FSHR: variants seen among roughly 807,000 people sequenced by gnomAD.
FSHR encodes follicle stimulating hormone receptor.
Under a neutral mutation model 52.1 loss-of-function variants are expected in FSHR, and 46 were observed. The observed-to-expected ratio is 0.88, with a 90% CI of 0.70 to 1.13. The LOEUF is 1.13. Ranked by LOEUF, FSHR falls within the 50% of genes most tolerant of loss-of-function variation. The pLI, the probability that FSHR is intolerant of heterozygous loss-of-function variation, is 0.00. For synonymous variants in FSHR, 399 were observed against 309.6 expected, an observed-to-expected ratio of 1.29 and a Z score of -3.03; for missense variants, 964 against 834.6, an observed-to-expected ratio of 1.16 and a Z score of -1.91.
At chr2:49,037,008 G>A (rs973449327) in intron 2 of FSHR, among the ~76,000 whole-genome samples, 2 of 152,188 alleles carry the variant, frequency 1.3e-5, no homozygotes, top group Non-Finnish European at 2.9e-5. Context: ...GCTGGGTCTT[G>A]GAGCTTCAAA....
intron 2 of FSHR, among the ~76,000 whole-genome samples, chr2:49,060,394 C>T (rs1669242377): frequency 6.6e-6 from 1 of 152,122 alleles, no homozygotes; most frequent in Admixed American, 6.5e-5. Flanking sequence ...ACCTTGACCA[C>T]TCAGAGAAGT....
chr2:49,019,393 A>G (rs1024167377), intron 3 of FSHR, among the ~76,000 whole-genome samples: 6 of 152,188 alleles, frequency 3.9e-5, no homozygotes, highest in Non-Finnish European at 7.4e-5. Context: ...TTGACATTCT[A>G]TGATTCTATG....
intron 2 of FSHR, among the ~76,000 whole-genome samples, chr2:49,043,510 T>G (rs1314541487): frequency 1.3e-5 from 2 of 152,202 alleles, no homozygotes; most frequent in African/African-American, 4.8e-5. Context: ...TTTGGAGACC[T>G]CACTTGACAA....
intron 2 of FSHR, among the ~76,000 whole-genome samples, chr2:49,054,300 C>A (rs1162624295): frequency 1.3e-5 from 2 of 152,134 alleles, no homozygotes; most frequent in African/African-American, 2.4e-5. Context: ...AAGAAATAGC[C>A]CACAGGTTGC....
intron 4 of FSHR, among the ~76,000 whole-genome samples, chr2:49,005,438 T>C (rs1327195633): frequency 6.6e-6 from 1 of 152,116 alleles, no homozygotes; most frequent in Admixed American, 6.6e-5. Context: ...CTTGTAGTCA[T>C]GGCAACATCC....
intron 8 of FSHR, among the ~76,000 whole-genome samples, chr2:48,980,955 T>C (rs1675220548): frequency 6.6e-6 from 1 of 152,222 alleles, no homozygotes; most frequent in Admixed American, 6.5e-5. Context: ...ACTGACATAT[T>C]CTGCCATGAA....
chr2:48,987,837 AACACACACACACACACAC>A (rs72108367), intron 6 of FSHR, among the ~76,000 whole-genome samples: 1 of 146,040 alleles, frequency 6.8e-6, no homozygotes, highest in Non-Finnish European at 1.5e-5. Flanking sequence ...ACCTCATCTC[AACACACACACACACACAC>A]ACACACACAC....
rs564921330 is a variant in FSHR, at chr2:49,017,785, C to A, written c.300-222G>T. On this transcript the variant is annotated intron_variant, in intron 3 of 9. Transcript: ENST00000406846. ...CAAACTAAATATTAACCCTGTCTCC[C>A]TGCTGTTTCATTCTCATTACCTGGG... is the stretch of plus-strand genomic sequence containing the variant. Among the ~76,000 whole-genome samples, 37 of 152,210 alleles carry A rather than the reference C, an allele frequency of 2.4e-4. No homozygotes were observed. The South Asian group carries it at 6.8e-3, about 28-fold the overall frequency.
chr2:49,133,865 T>C (rs777707683), intron 1 of FSHR, among the ~76,000 whole-genome samples: 1 of 152,168 alleles, frequency 6.6e-6, no homozygotes, highest in Non-Finnish European at 1.5e-5. Context: ...TGGCTAGCCA[T>C]ATGTAGAAAG....
chr2:49,077,438 C>A (rs1669989687), intron 1 of FSHR, among the ~76,000 whole-genome samples: 1 of 152,142 alleles, frequency 6.6e-6, no homozygotes, highest in African/African-American at 2.4e-5. Context: ...CCCTTGAAAC[C>A]ACTTTTTCCT....
At chr2:49,010,453 C>T (rs1008389716) in intron 4 of FSHR, among the ~76,000 whole-genome samples, 5 of 152,140 alleles carry the variant, frequency 3.3e-5, no homozygotes, top group African/African-American at 4.8e-5. Flanking sequence ...AAGATTTTTG[C>T]ATCAATGTTC....
At chr2:49,027,285 G>A (rs553829525) in intron 2 of FSHR, among the ~76,000 whole-genome samples, 4 of 152,262 alleles carry the variant, frequency 2.6e-5, no homozygotes, top group Admixed American at 2.0e-4. Context: ...TGGTGACTCC[G>A]GAGTGGTTTG....
chr2:48,963,651 G>C lies in FSHR; in HGVS notation c.1170C>G (p.Ser390Arg), dbSNP rs1365051861. Residue 390 changes from serine (S) to arginine (R), a missense_variant, in exon 10 of 10, where the codon AGC becomes AGG. Ser to Arg is a moderately radical substitution (Grantham distance 110, BLOSUM62 -1). Transcript: ENST00000406846. ...ACCTGGGGACTGTGAGTTTATATTG[G>C]CTGGTAGTTAGGATCACTAGCACTA... is the stretch of plus-strand genomic sequence containing the variant. Reference protein sequence around the residue: ...NIIVLVILTTSQYKLTVPRFL... With the variant: ...NIIVLVILTTRQYKLTVPRFL... The C allele has an allele frequency of 1.2e-6, 2 of 1,614,168 alleles. No individual in the cohort carries two copies. The highest frequency in any genetic ancestry group is 2.2e-5 in the East Asian group (1 of 44,878).
rs1675528493 is a variant in FSHR, at chr2:48,986,628, A to G, written c.524+2349T>C. 3.3e-5 allele frequency among the ~76,000 whole-genome samples: 5 copies of G among 152,226 alleles called. No homozygotes were observed. The South Asian group carries it at 1.0e-3, about 32-fold the overall frequency. The stretch of plus-strand genomic sequence containing the variant: ...TCTGAGAAACATTCACTCTTAAAAG[A>G]AAACTCCTTTCCTGAAAAGTGTGTT... On this transcript the variant is annotated intron_variant, in intron 6 of 9. Coordinates refer to ENST00000406846, the MANE Select transcript of FSHR (RefSeq NM_000145.4).
Position 49,150,348 on chromosome 2 carries a change from A to T in FSHR, c.152+3918T>A, listed in dbSNP as rs147460222. Among the ~76,000 whole-genome samples, 597 of 152,118 alleles carry T rather than the reference A, an allele frequency of 3.9e-3. 30 individuals carry two copies. Among genetic ancestry groups the T allele is most frequent in the Admixed American group, 0.036 (552 of 15,246 alleles). On this transcript the variant is annotated intron_variant, in intron 1 of 9. Coordinates refer to ENST00000406846, the MANE Select transcript of FSHR (RefSeq NM_000145.4). The stretch of plus-strand genomic sequence containing the variant: ...TGTAAACTACCTCAGAGTTATAAAG[A>T]TCTTTATATCAATTTTCCAAAATCA...
intron 8 of FSHR, among the ~76,000 whole-genome samples, chr2:48,973,456 T>C (rs1674837498): frequency 1.3e-5 from 2 of 152,228 alleles, no homozygotes; most frequent in African/African-American, 4.8e-5. Context: ...CAAAATGGAA[T>C]GGTTGTTTTA....
chr2:49,129,047 GT>G (rs61220657), intron 1 of FSHR, among the ~76,000 whole-genome samples: 9,286 of 143,570 alleles, frequency 0.065, 865 homozygotes, highest in African/African-American at 0.21. Flanking sequence ...CTGTTTTCTT[GT>G]TTTTTTTTTT....
intron 4 of FSHR, among the ~76,000 whole-genome samples, chr2:49,008,000 G>A (rs1165586430): frequency 6.6e-6 from 1 of 151,650 alleles, no homozygotes; most frequent in African/African-American, 2.4e-5. Context: ...CATTTGTTTT[G>A]AATTTTCTTT....
intron 4 of FSHR, chr2:49,015,059 A>G: frequency 3.3e-6 from 1 of 304,298 alleles, no homozygotes; most frequent in Non-Finnish European, 6.5e-6. Flanking sequence ...TTTTATATAA[A>G]AACAATTTGC....
Sources: allele counts gnomAD v4.1 joint callset (sites outside exome capture counted in the v4.1 genomes callset), GRCh38; gene constraint gnomAD v4.1.1; transcripts MANE v1.5; gene names NCBI Gene and HGNC (gene_info 2026-07-23, HGNC 2026-07-21).